NRCAM: variants seen among roughly 807,000 people sequenced by gnomAD.
NRCAM encodes NgCAM-related cell adhesion molecule.
A neutral mutation model predicts 156.5 loss-of-function variants in NRCAM; 83 were observed. That is an observed-to-expected ratio of 0.53 (90% CI 0.44 to 0.64). The LOEUF (loss-of-function observed/expected upper bound fraction) is 0.64. Ranked by LOEUF, NRCAM falls within the 30% of genes least tolerant of loss-of-function variation. The probability of loss-of-function intolerance (pLI) is 0.00; values close to 1 mark genes in which losing one functional copy is unlikely to be tolerated. For synonymous variants in NRCAM, 538 were observed against 563.9 expected (o/e 0.95, Z 0.65); for missense variants, 1,417 against 1,597.3 (o/e 0.89, Z 1.92).
rs115074514 is a variant in NRCAM at position 108,386,126 on chromosome 7, C to T, written c.-174+13310G>A. On this transcript the variant is annotated intron_variant, in intron 2 of 32. Coordinates refer to ENST00000379028, the MANE Select transcript of NRCAM (RefSeq NM_001037132.4). The stretch of plus-strand genomic sequence containing the variant: ...AACTAGAAATGAAAGGAAAACTATA[C>T]AGACATGTTTTATGAAGGAAGGATA... Among the ~76,000 whole-genome samples, 189 of 152,162 alleles carry T rather than the reference C, an allele frequency of 1.2e-3. 2 individuals carry two copies. The highest frequency in any genetic ancestry group is 4.3e-3 in the African/African-American group (179 of 41,536).
intron 2 of NRCAM, among the ~76,000 whole-genome samples, chr7:108,391,587 A>G (rs2099760090): frequency 1.3e-5 from 2 of 152,100 alleles, no homozygotes; most frequent in South Asian, 2.1e-4. Context: ...TAAGGTTAAT[A>G]TTGTTATGTG....
intron 3 of NRCAM, among the ~76,000 whole-genome samples, chr7:108,242,091 T>C (rs548944238): frequency 6.4e-4 from 97 of 151,784 alleles, no homozygotes; most frequent in African/African-American, 2.2e-3. Context: ...CTGGCTAACA[T>C]GGTGAAATCC....
In NRCAM at chr7:108,189,670, G is replaced by T; in HGVS notation, c.2010C>A (p.Gly670=). Residue 670 remains glycine, a synonymous_variant, in exon 20 of 33, where the codon GGC becomes GGA. Transcript: ENST00000379028. ...DKSVQLSWTP[G]DDNNSPITKF... is the part of the protein sequence containing the mutation. ...TTGTAATGGGGCTATTGTTGTCATC[G>T]CCTGGGGTCCATGACAGCTGAACAC... 5 of 1,496,244 alleles carry T rather than the reference G, an allele frequency of 3.3e-6. No individual in the cohort carries two copies. The highest frequency in any genetic ancestry group is 4.6e-6 in the Non-Finnish European group (5 of 1,075,302). 92.7% of individuals were successfully genotyped at this position (1,496,244 alleles called of 1,614,324 possible).
At chr7:108,278,686 GA>G (rs1199230268) in intron 3 of NRCAM, among the ~76,000 whole-genome samples, 3 of 152,212 alleles carry the variant, frequency 2.0e-5, no homozygotes, top group Non-Finnish European at 4.4e-5. Flanking sequence ...CTAGGAAAGG[GA>G]AATCCCCCTG....
chr7:108,443,851 T>A (rs1841341235), intron 1 of NRCAM, among the ~76,000 whole-genome samples: 1 of 144,908 alleles, frequency 6.9e-6, no homozygotes, highest in Non-Finnish European at 1.6e-5. Context: ...ATTATATATG[T>A]ATTCCTTTGG....
intron 2 of NRCAM, among the ~76,000 whole-genome samples, chr7:108,323,687 A>G (rs866415032): frequency 2.0e-5 from 3 of 152,298 alleles, no homozygotes; most frequent in African/African-American, 7.2e-5. Context: ...CTCTGCACTC[A>G]ATAGCTTATA....
chr7:108,416,164 C>T (rs1301568378), intron 1 of NRCAM, among the ~76,000 whole-genome samples: 2 of 152,212 alleles, frequency 1.3e-5, no homozygotes, highest in African/African-American at 4.8e-5. Context: ...CTAAGATATT[C>T]ATCTTCATGG....
At chr7:108,292,131 G>GT (rs1002754300) in intron 3 of NRCAM, among the ~76,000 whole-genome samples, 2 of 152,120 alleles carry the variant, frequency 1.3e-5, no homozygotes, top group African/African-American at 4.8e-5. Flanking sequence ...GAAATCAACT[G>GT]TTTTTTAAAA....
intron 3 of NRCAM, among the ~76,000 whole-genome samples, chr7:108,268,535 G>C (rs1187965801): frequency 6.8e-6 from 1 of 148,072 alleles, no homozygotes; most frequent in Non-Finnish European, 1.5e-5. Flanking sequence ...TTCTGAAAGT[G>C]CCTAAAAGAT....
intron 2 of NRCAM, among the ~76,000 whole-genome samples, chr7:108,316,548 G>C (rs922211455): frequency 2.6e-5 from 4 of 152,036 alleles, no homozygotes; most frequent in Admixed American, 2.6e-4. Flanking sequence ...GGCCGAAGCA[G>C]GCAGATCACG....
chr7:108,436,165 C>G (rs1831944719), intron 1 of NRCAM, among the ~76,000 whole-genome samples: 1 of 152,028 alleles, frequency 6.6e-6, no homozygotes, highest in South Asian at 2.1e-4. Flanking sequence ...AAAAATAATT[C>G]GCTCACACAC....
At chr7:108,196,450 T>C (rs2075154792) in intron 14 of NRCAM, among the ~76,000 whole-genome samples, 1 of 152,142 alleles carries the variant, frequency 6.6e-6, no homozygotes, top group African/African-American at 2.4e-5. Context: ...AAGGGGTTAA[T>C]ACCAAAATAT....
chr7:108,363,422 C>T (rs565903087), intron 2 of NRCAM, among the ~76,000 whole-genome samples: 31 of 152,228 alleles, frequency 2.0e-4, no homozygotes, highest in African/African-American at 5.1e-4. Context: ...GTAGCTGGGA[C>T]GACAGGCGTG....
At chr7:108,291,974 G>A (rs2098309782) in intron 3 of NRCAM, among the ~76,000 whole-genome samples, 1 of 152,206 alleles carries the variant, frequency 6.6e-6, no homozygotes, top group African/African-American at 2.4e-5. Context: ...GAATACAGCT[G>A]TGCAGCGGAG....
At chr7:108,443,879 T>TATAGATAGATAGATAGATAGATAG (rs142458020) in intron 1 of NRCAM, among the ~76,000 whole-genome samples, 9,053 of 148,122 alleles carry the variant, frequency 0.061, 406 homozygotes, top group Non-Finnish European at 0.088. Context: ...AGTATACAGA[T>TATAGATAGATAGATAGATAGATAG]ATAGATAGAT....
At chr7:108,260,923 G>T (rs921953497) in intron 3 of NRCAM, among the ~76,000 whole-genome samples, 1 of 152,098 alleles carries the variant, frequency 6.6e-6, no homozygotes, top group Non-Finnish European at 1.5e-5. Context: ...TCCTGGCAAG[G>T]TTCTAGGTAC....
In NRCAM at chr7:108,167,034, C is replaced by A. The variant is rs374338191; in HGVS notation, c.3353G>T (p.Arg1118Leu). ...TAGACCCTTTAACCCAAAGAAGCTC[C>A]GAGAACCATTTACAATTTCTTTTCT... The part of the protein sequence containing the change: ...EWRKEIVNGS[R>L]SFFGLKGLMP... Residue 1118 changes from arginine to leucine, a missense_variant, in exon 30 of 33, where the codon CGG becomes CTG. By Grantham distance (102) the Arg-to-Leu change is moderately radical. Transcript: ENST00000379028. The A allele has an allele frequency of 6.2e-7, 1 of 1,613,740 alleles. No individual in the cohort carries two copies. Among genetic ancestry groups the A allele is most frequent in the East Asian group, 2.2e-5 (1 of 44,898 alleles).
chr7:108,195,224 A>G (rs1208071635), intron 15 of NRCAM, among the ~76,000 whole-genome samples: 4 of 152,202 alleles, frequency 2.6e-5, no homozygotes, highest in Non-Finnish European at 1.5e-5. Flanking sequence ...TTACATGTAG[A>G]TCTGTGCTTG....
intron 30 of NRCAM, among the ~76,000 whole-genome samples, chr7:108,161,186 A>T (rs1373485104): frequency 6.6e-6 from 1 of 152,222 alleles, no homozygotes; most frequent in Admixed American, 6.5e-5. Context: ...ATTGCTAAGG[A>T]TCCATTCAAA....
Sources: allele counts gnomAD v4.1 joint callset (sites outside exome capture counted in the v4.1 genomes callset), GRCh38; gene constraint gnomAD v4.1.1; transcripts MANE v1.5; gene names NCBI Gene and HGNC (gene_info 2026-07-23, HGNC 2026-07-21).